The following TMEM108 variants were observed in gnomAD, a reference collection of about 807,000 sequenced individuals.
The protein encoded by TMEM108 is cancer/testis antigen 124.
In TMEM108, 12 loss-of-function variants were observed where a neutral mutation model predicts 35.1. The ratio of observed to expected loss-of-function variants is 0.34; its 90% CI spans 0.22 to 0.55. TMEM108 has a LOEUF of 0.55. Among genes scored for constraint, TMEM108 ranks in the 20% least tolerant of loss-of-function variants. The probability of loss-of-function intolerance (pLI) is 0.89; values close to 1 mark genes in which losing one functional copy is unlikely to be tolerated. For synonymous variants in TMEM108, 287 were observed against 308.6 expected (o/e 0.93, Z 0.73); for missense variants, 680 against 753.3 (o/e 0.90, Z 1.14).
At chr3:133,206,612 C>T (rs1945758420) in intron 2 of TMEM108, among the ~76,000 whole-genome samples, 1 of 152,202 alleles carries the variant, frequency 6.6e-6, no homozygotes, top group Admixed American at 6.5e-5. Context: ...TCCTCTTTGC[C>T]TGGGTATCAC....
chr3:133,216,900 G>C (rs1289894314), intron 2 of TMEM108, among the ~76,000 whole-genome samples: 1 of 152,072 alleles, frequency 6.6e-6, no homozygotes, highest in Non-Finnish European at 1.5e-5. Context: ...GAACATGGAC[G>C]TGCATATCTC....
At chr3:133,078,140 AGTGT>A (rs745912251) in intron 2 of TMEM108, among the ~76,000 whole-genome samples, 4 of 106,216 alleles carry the variant, frequency 3.8e-5, no homozygotes, top group Admixed American at 9.3e-5. Flanking sequence ...TATGGAGCTC[AGTGT>A]GTGTGTGTGT....
intron 3 of TMEM108, among the ~76,000 whole-genome samples, chr3:133,305,545 A>G (rs1014832580): frequency 6.6e-6 from 1 of 152,008 alleles, no homozygotes; most frequent in Non-Finnish European, 1.5e-5. Context: ...TAAAAGAAAG[A>G]TGCCTATGAA....
chr3:133,107,394 A>G (rs1944165201), intron 2 of TMEM108, among the ~76,000 whole-genome samples: 1 of 152,056 alleles, frequency 6.6e-6, no homozygotes, highest in South Asian at 2.1e-4. Context: ...AAGATAAAAC[A>G]GCTTATTCCA....
Position 133,227,254 on chromosome 3 carries a change from G to A in TMEM108, c.-46-2012G>A, listed in dbSNP as rs1306981461. Among the ~76,000 whole-genome samples, 308 of 130,492 alleles carry A rather than the reference G, an allele frequency of 2.4e-3. 1 individual carries two copies. Among genetic ancestry groups the A allele is most frequent in the Non-Finnish European group, 3.7e-3 (237 of 64,548 alleles). 85.6% of individuals were successfully genotyped at this position (130,492 alleles called of 152,430 possible). A position where few individuals can be genotyped will look rare whatever the true frequency, so the allele number is the denominator to read the frequency against. ...GTCGCCCAGGCTGGAGTGCAGTGGCGCAATCTCGGCTCACTGCAGGCTCCG... is the reference window on the plus strand; with the variant it reads ...GTCGCCCAGGCTGGAGTGCAGTGGCACAATCTCGGCTCACTGCAGGCTCCG... On this transcript the variant is annotated intron_variant, in intron 2 of 5. Coordinates refer to ENST00000321871, the MANE Select transcript of TMEM108 (RefSeq NM_023943.4).
chr3:133,079,187 A>T (rs1215704680), intron 2 of TMEM108, among the ~76,000 whole-genome samples: 1 of 152,184 alleles, frequency 6.6e-6, no homozygotes, highest in East Asian at 1.9e-4. Context: ...GTGTGTAAAG[A>T]GGGGCCTTCA....
intron 2 of TMEM108, among the ~76,000 whole-genome samples, chr3:133,048,463 CTA>C (rs1559815775): frequency 6.6e-6 from 1 of 152,084 alleles, no homozygotes; most frequent in African/African-American, 2.4e-5. Context: ...TTTTCTAGTA[CTA>C]TGTGTTGGAA....
At chr3:133,351,756 C>T (rs2107771400) in intron 3 of TMEM108, among the ~76,000 whole-genome samples, 1 of 152,274 alleles carries the variant, frequency 6.6e-6, no homozygotes, top group South Asian at 2.1e-4. Context: ...CAGCTGAAAG[C>T]ACTCTCCTGA....
At chr3:133,045,159 G>A (rs1177344444) in intron 1 of TMEM108, among the ~76,000 whole-genome samples, 2 of 151,946 alleles carry the variant, frequency 1.3e-5, no homozygotes, top group South Asian at 2.1e-4. Flanking sequence ...TAATAGAGAC[G>A]GGGTTTCACC....
At chr3:133,098,319 G>A (rs912972813) in intron 2 of TMEM108, among the ~76,000 whole-genome samples, 4 of 152,060 alleles carry the variant, frequency 2.6e-5, no homozygotes, top group Admixed American at 1.3e-4. Context: ...AAGAAAGTCC[G>A]GCCCCCTTGA....
chr3:133,205,309 G>C (rs6803600), intron 2 of TMEM108, among the ~76,000 whole-genome samples: 46,497 of 151,936 alleles, frequency 0.31, 7,894 homozygotes, highest in East Asian at 0.46. Context: ...TTACATTTAA[G>C]GTTAATATTG....
intron 2 of TMEM108, among the ~76,000 whole-genome samples, chr3:133,048,534 T>C (rs765630038): frequency 7.9e-5 from 12 of 152,200 alleles, no homozygotes; most frequent in Non-Finnish European, 1.5e-4. Flanking sequence ...TTATTTTAAT[T>C]AAAAGGCTCA....
chr3:133,244,601 T>C (rs1946359341), intron 3 of TMEM108, among the ~76,000 whole-genome samples: 1 of 152,218 alleles, frequency 6.6e-6, no homozygotes, highest in South Asian at 2.1e-4. Context: ...TATGACCAGG[T>C]ATTTTATTCT....
intron 3 of TMEM108, among the ~76,000 whole-genome samples, chr3:133,310,222 T>C (rs1437933728): frequency 6.6e-6 from 1 of 152,210 alleles, no homozygotes; most frequent in Admixed American, 6.5e-5. Flanking sequence ...TTAGGTCCAC[T>C]TGGTCCAGAG....
intron 3 of TMEM108, among the ~76,000 whole-genome samples, chr3:133,270,711 T>C (rs780240026): frequency 3.3e-5 from 5 of 152,000 alleles, no homozygotes; most frequent in African/African-American, 4.8e-5. Flanking sequence ...GCAGCCTGGC[T>C]CCATTCCTTG....
intron 2 of TMEM108, among the ~76,000 whole-genome samples, chr3:133,106,851 G>A (rs1450045): frequency 6.6e-6 from 1 of 151,962 alleles, no homozygotes; most frequent in South Asian, 2.1e-4. Context: ...GCCTCTGAGC[G>A]AGAACCACCC....
chr3:133,133,671 TTTTTTTTTCC>T (rs1234311823), intron 2 of TMEM108, among the ~76,000 whole-genome samples: 1 of 150,650 alleles, frequency 6.6e-6, no homozygotes, highest in Non-Finnish European at 1.5e-5. Context: ...CAGAGTTTTC[TTTTTTTTTCC>T]TTTTTTTTTC....
At chr3:133,126,096 G>A (rs1444013587) in intron 2 of TMEM108, among the ~76,000 whole-genome samples, 3 of 152,128 alleles carry the variant, frequency 2.0e-5, no homozygotes, top group Non-Finnish European at 2.9e-5. Flanking sequence ...CTATCCTTGG[G>A]CTTTTCACAT....
intron 2 of TMEM108, chr3:133,125,105 A>T (rs1944399319): frequency 6.6e-6 from 1 of 152,228 alleles, no homozygotes; most frequent in African/African-American, 2.4e-5. Context: ...TTAGATGGAG[A>T]TTTAAAATAG....
Sources: allele counts gnomAD v4.1 joint callset (sites outside exome capture counted in the v4.1 genomes callset), GRCh38; gene constraint gnomAD v4.1.1; transcripts MANE v1.5; gene names NCBI Gene and HGNC (gene_info 2026-07-23, HGNC 2026-07-21).